Variants in MYO18A observed in about 807,000 individuals in gnomAD.
MYO18A encodes unconventional myosin-XVIIIa.
MYO18A carries 78 observed loss-of-function variants against 235.8 expected under a neutral mutation model. The ratio of observed to expected loss-of-function variants is 0.33; its 90% CI spans 0.28 to 0.40. The LOEUF is 0.40. Ranked by LOEUF, MYO18A falls within the 10% of genes least tolerant of loss-of-function variation. The pLI, the probability that MYO18A is intolerant of heterozygous loss-of-function variation, is 1.00. For synonymous variants in MYO18A, 977 were observed against 1,077.8 expected (o/e 0.91, Z 1.83); for missense variants, 2,215 against 2,699.3 (o/e 0.82, Z 3.98).
intron 34 of MYO18A, 78 bp from the exon 35 acceptor site, chr17:29,091,004 G>T (rs1282004145): frequency 3.5e-6 from 4 of 1,155,000 alleles, no homozygotes; most frequent in East Asian, 2.3e-5. Flanking sequence ...AATGGCAGGG[G>T]CATTGTAGAG....
At chr17:29,080,533 C>T in intron 41 of MYO18A, 1 of 986,098 alleles carries the variant, frequency 1.0e-6, no homozygotes, top group Non-Finnish European at 1.2e-6. Flanking sequence ...CAGGGAAGGG[C>T]TGAGTGTCCT....
chr17:29,077,128 T>C (rs563711745), intron 41 of MYO18A: 4 of 152,368 alleles, frequency 2.6e-5, no homozygotes, highest in Admixed American at 6.5e-5. Context: ...GTAAACTCCA[T>C]GTCTCTCTCT....
chr17:29,125,899 T>A lies in MYO18A; in HGVS notation c.1000-3646A>T. The A allele has an allele frequency of 1.0e-6, 1 of 985,830 alleles. No individual in the cohort carries two copies. Among genetic ancestry groups the A allele is most frequent in the Non-Finnish European group, 1.2e-6 (1 of 829,916 alleles). The allele number at this position is 985,830 out of a possible 1,614,324, so 61.1% of individuals were successfully genotyped here. On this transcript the variant is annotated intron_variant, in intron 2 of 41. Coordinates refer to ENST00000527372, the MANE Select transcript of MYO18A (RefSeq NM_078471.4). This position sits in a 1 kb window ranked among gnomAD's most constrained non-coding sequence, Gnocchi z 5.1. The stretch of plus-strand genomic sequence containing the variant: ...CACACAAGAGTGGCATTACAGAAGC[T>A]GTGAAGATCCTCTCCAGCCGCTGGT...
intron 2 of MYO18A, among the ~76,000 whole-genome samples, chr17:29,136,222 C>A (rs1201441008): frequency 8.6e-6 from 1 of 116,778 alleles, no homozygotes; most frequent in African/African-American, 3.3e-5. Flanking sequence ...CCGAGTGAGA[C>A]CCCATCTCAA....
At position 29,115,822 on chromosome 17, in the gene MYO18A, G is replaced by A. The variant is rs865862315; in HGVS notation, c.2069C>T (p.Ala690Val). The A allele has an allele frequency of 1.9e-6, 3 of 1,582,510 alleles. No individual in the cohort carries two copies. Among genetic ancestry groups the A allele is most frequent in the Middle Eastern group, 1.7e-4 (1 of 6,034 alleles). Reference sequence around the variant, plus strand: ...AGCCTTCTGGGCCCACTCATGGCGGGCAAACTGCTTGCGCCCAGCTGTGGA... The same window carrying A: ...AGCCTTCTGGGCCCACTCATGGCGGACAAACTGCTTGCGCCCAGCTGTGGA... ...EAAEAGRKQFARHEWAQKAAY... is the reference protein window; with the variant it reads ...EAAEAGRKQFVRHEWAQKAAY... The change falls in exon 12 of 42, where the codon GCC (alanine) becomes GTC (valine). Residue 690 changes from alanine (A) to valine (V), a missense_variant. Physicochemically the swap from Ala to Val is moderately conservative, Grantham distance 64. Transcript: ENST00000527372.
intron 19 of MYO18A, among the ~76,000 whole-genome samples, chr17:29,108,263 T>G (rs553394953): frequency 6.6e-6 from 1 of 152,174 alleles, no homozygotes; most frequent in Non-Finnish European, 1.5e-5. Flanking sequence ...CAAAAAGACT[T>G]GTAGATTCTC....
At position 29,098,154 on chromosome 17, in the gene MYO18A, G is replaced by A. The variant is rs142794787; in HGVS notation, c.3941C>T (p.Ala1314Val). Residue 1314 changes from alanine (A) to valine (V), a missense_variant, in exon 25 of 42, where the codon GCG (alanine) becomes GTG (valine). Ala to Val is a moderately conservative substitution (Grantham distance 64). Transcript: ENST00000527372. Reference sequence around the variant, plus strand: ...AGCCCGGAGCCTCTCTGCTGTCTCCGCGTCCAGCAGCTGGGAGGCGGACTC... The same window carrying A: ...AGCCCGGAGCCTCTCTGCTGTCTCCACGTCCAGCAGCTGGGAGGCGGACTC... The part of the protein sequence containing the change: ...TGESASQLLD[A>V]ETAERLRAEK... 736 of 1,613,844 alleles carry A rather than the reference G, an allele frequency of 4.6e-4. 10 individuals carry two copies. In the East Asian group the frequency reaches 0.014, roughly 30 times the overall value.
chr17:29,129,305 C>T (rs1281459711), intron 2 of MYO18A, among the ~76,000 whole-genome samples: 1 of 152,176 alleles, frequency 6.6e-6, no homozygotes, highest in Non-Finnish European at 1.5e-5. Flanking sequence ...CAGTTTTCCT[C>T]CTGCAAACCT....
At chr17:29,134,511 C>T (rs2067548661) in intron 2 of MYO18A, among the ~76,000 whole-genome samples, 1 of 152,086 alleles carries the variant, frequency 6.6e-6, no homozygotes, top group South Asian at 2.1e-4. Flanking sequence ...GGGAGAGGCA[C>T]TCAAACTCTA....
intron 2 of MYO18A, among the ~76,000 whole-genome samples, chr17:29,149,358 A>G (rs531942730): frequency 2.6e-4 from 39 of 152,364 alleles, no homozygotes; most frequent in African/African-American, 8.9e-4. Flanking sequence ...ACGCCAGGAA[A>G]GCCTGTTCTA....
chr17:29,124,667 G>A (rs2067278443), intron 2 of MYO18A: 1 of 1,285,574 alleles, frequency 7.8e-7, no homozygotes. Context: ...CTGTGGGCAT[G>A]AGAGGCGGCC....
chr17:29,143,540 C>T (rs549895756), intron 2 of MYO18A, among the ~76,000 whole-genome samples: 50 of 152,074 alleles, frequency 3.3e-4, no homozygotes, highest in African/African-American at 1.1e-3. Context: ...CCACATTTGG[C>T]CTTAATACAT....
At chr17:29,078,875 T>C (rs928379538) in intron 41 of MYO18A, 2 of 152,256 alleles carry the variant, frequency 1.3e-5, no homozygotes, top group Non-Finnish European at 2.9e-5. Flanking sequence ...TTTCTATTCA[T>C]TAGAACTTTA....
rs373518039 is a variant in MYO18A, at chr17:29,115,143, G to A, written c.2319-44C>T. On this transcript the variant is annotated intron_variant, in intron 13 of 41. Transcript: ENST00000527372. ...GGTCAGAGCCTCGCTGGTTGGCCCC[G>A]GGCACCAGGAAGCCCCACCCTGCCC... 4.0e-5 allele frequency: 63 copies of A among 1,565,692 alleles called. 2 individuals carry two copies. The South Asian group carries it at 4.0e-4, about 10-fold the overall frequency.
chr17:29,161,355 C>CAAAAAAA (rs1175565325), intron 2 of MYO18A, among the ~76,000 whole-genome samples: 1 of 50,308 alleles, frequency 2.0e-5, no homozygotes, highest in Non-Finnish European at 4.2e-5. Flanking sequence ...AACTCCATGT[C>CAAAAAAA]AAAAAAAAAA....
intron 22 of MYO18A, 90 bp from the exon 23 acceptor site, chr17:29,099,059 C>T (rs1475443589): frequency 3.3e-6 from 5 of 1,521,950 alleles, no homozygotes; most frequent in African/African-American, 2.7e-5. Context: ...CAGCACAGGC[C>T]CCCAGGGCTG....
intron 1 of MYO18A, among the ~76,000 whole-genome samples, chr17:29,170,676 T>C (rs1324948294): frequency 1.3e-5 from 2 of 152,250 alleles, no homozygotes; most frequent in Non-Finnish European, 2.9e-5. Flanking sequence ...GGAAGGCATC[T>C]ATGTAAGTTA....
intron 2 of MYO18A, chr17:29,131,581 G>T: frequency 5.1e-6 from 1 of 197,518 alleles, no homozygotes; most frequent in Non-Finnish European, 9.1e-6. Flanking sequence ...GGGGCTAGGG[G>T]ACCTGGGCAA....
In MYO18A at chr17:29,166,299, G is replaced by A. The variant is rs779618672; in HGVS notation, c.642C>T (p.Pro214=). Residue 214 remains proline, a synonymous_variant, in exon 2 of 42, where the codon CCC becomes CCT. Coordinates refer to ENST00000527372, the MANE Select transcript of MYO18A (RefSeq NM_078471.4). ...DLRLPPVVPL[P]PPTLRELELQ... ...GCTCCAGCTCCCGGAGGGTAGGTGG[G>A]GGCAGGGGCACCACGGGGGGCAGGC... 6 of 1,612,704 alleles carry A rather than the reference G, an allele frequency of 3.7e-6. No homozygotes were observed. The Admixed American group carries it at 1.0e-4, about 27-fold the overall frequency.
Sources: allele counts gnomAD v4.1 joint callset (sites outside exome capture counted in the v4.1 genomes callset), GRCh38; gene constraint gnomAD v4.1.1; non-coding constraint Gnocchi (gnomAD v3.1); transcripts MANE v1.5; gene names NCBI Gene and HGNC (gene_info 2026-07-23, HGNC 2026-07-21).